Variants in SAP130 observed in about 807,000 individuals in gnomAD.
SAP130 encodes Sin3A associated protein 130.
In SAP130, 16 loss-of-function variants were observed where a neutral mutation model predicts 103.2. That is an observed-to-expected ratio of 0.16 (90% CI 0.10 to 0.24). The LOEUF (loss-of-function observed/expected upper bound fraction) is 0.24, where lower values mean the gene tolerates loss of function less well. Among genes scored for constraint, SAP130 ranks in the 10% least tolerant of loss-of-function variants. SAP130 has a pLI of 1.00. For synonymous variants in SAP130, 477 were observed against 497.0 expected (o/e 0.96, Z 0.53); for missense variants, 990 against 1,359.7 (o/e 0.73, Z 4.28).
At chr2:127,991,614 G>T (rs1682816049) in intron 12 of SAP130, among the ~76,000 whole-genome samples, 1 of 152,056 alleles carries the variant, frequency 6.6e-6, no homozygotes, top group African/African-American at 2.4e-5. Flanking sequence ...TTATAGGCAT[G>T]AGCCACCGCA....
At position 127,948,329 on chromosome 2, in the gene SAP130, T is replaced by G. The variant is rs796750023; in HGVS notation, c.2797+1540A>C. Among the ~76,000 whole-genome samples, 224 of 96,264 alleles carry G rather than the reference T, an allele frequency of 2.3e-3. 2 individuals carry two copies. The highest frequency in any genetic ancestry group is 7.6e-3 in the African/African-American group (208 of 27,524). The allele number at this position is 96,264 out of a possible 152,430, so 63.2% of individuals were successfully genotyped here. Reference sequence around the variant, plus strand: ...TTGTTTCTCTTTTCTTTCCTGTGAGTTTTTTTTTTTTTTTTTTTTTTTGAG... The same window carrying G: ...TTGTTTCTCTTTTCTTTCCTGTGAGGTTTTTTTTTTTTTTTTTTTTTTGAG... On this transcript the variant is annotated intron_variant, in intron 18 of 20. Coordinates refer to ENST00000643581, the MANE Select transcript of SAP130 (RefSeq NM_001330301.2).
At position 127,996,108 on chromosome 2, in the gene SAP130, A is replaced by G. The variant is rs923911704; in HGVS notation, c.1355+242T>C. On this transcript the variant is annotated intron_variant, in intron 11 of 20. Coordinates refer to ENST00000643581, the MANE Select transcript of SAP130 (RefSeq NM_001330301.2). This position sits in a 1 kb window ranked among gnomAD's most constrained non-coding sequence, Gnocchi z 4.3. ...TGCAACCCTTACTCTCAAAATGGCC[A>G]AAAAATGTTAAACACACAAAACCCA... is the stretch of plus-strand genomic sequence containing the variant. Among the ~76,000 whole-genome samples, 5 of 152,186 alleles carry G rather than the reference A, an allele frequency of 3.3e-5. No individual in the cohort carries two copies. Among genetic ancestry groups the G allele is most frequent in the African/African-American group, 1.2e-4 (5 of 41,452 alleles).
chr2:127,985,969 C>T (rs893813039), intron 14 of SAP130, among the ~76,000 whole-genome samples: 1 of 152,140 alleles, frequency 6.6e-6, no homozygotes, highest in Non-Finnish European at 1.5e-5. Context: ...AGCAGAACGA[C>T]GCAGTTTGGC....
chr2:128,006,815 C>T (rs771591103), intron 7 of SAP130, among the ~76,000 whole-genome samples: 1 of 152,130 alleles, frequency 6.6e-6, no homozygotes, highest in Non-Finnish European at 1.5e-5. Context: ...GGATCTGGTG[C>T]TTTTGTGAGA....
chr2:127,951,301 C>A (rs1330723342), intron 16 of SAP130, among the ~76,000 whole-genome samples: 1 of 152,260 alleles, frequency 6.6e-6, no homozygotes, highest in South Asian at 2.1e-4. Flanking sequence ...TAAGGGCTCA[C>A]CTTAACTCTT....
chr2:127,998,893 A>C (rs1683353748), intron 10 of SAP130, among the ~76,000 whole-genome samples: 1 of 152,232 alleles, frequency 6.6e-6, no homozygotes, highest in Non-Finnish European at 1.5e-5. Context: ...CTCTGCCGTG[A>C]TAGCACTCAG....
intron 1 of SAP130, chr2:128,027,385 G>C: frequency 8.8e-7 from 1 of 1,141,616 alleles, no homozygotes; most frequent in Non-Finnish European, 1.1e-6. Context: ...ACAGCGACCT[G>C]CACGTTCAGA....
intron 14 of SAP130, among the ~76,000 whole-genome samples, chr2:127,984,601 T>C (rs1187264512): frequency 1.3e-5 from 2 of 152,174 alleles, no homozygotes; most frequent in African/African-American, 2.4e-5. Flanking sequence ...TTGGGCTGGA[T>C]AGACTCCCCA....
chr2:128,021,443 T>C (rs1368728956), intron 2 of SAP130, among the ~76,000 whole-genome samples: 6 of 136,582 alleles, frequency 4.4e-5, no homozygotes, highest in South Asian at 4.6e-4. Context: ...CAAGACTCCA[T>C]CTCAAAAAAA....
chr2:128,027,224 C>A (rs1685576403), intron 1 of SAP130: 44 of 1,202,620 alleles, frequency 3.7e-5, no homozygotes, highest in Non-Finnish European at 4.4e-5. Context: ...GCGCCCGGGG[C>A]CCGCTGCTGT....
rs139668669 is a variant in SAP130, at chr2:127,967,638, C to T, written c.2063+10347G>A. On this transcript the variant is annotated intron_variant, in intron 15 of 20. Transcript: ENST00000643581. ...GTCTTGAACTCCTGACCTTGTGATCCACCTGCCTTGGCCTCCCAAAGCACT... is the reference window on the plus strand; with the variant it reads ...GTCTTGAACTCCTGACCTTGTGATCTACCTGCCTTGGCCTCCCAAAGCACT... Among the ~76,000 whole-genome samples the T allele has an allele frequency of 6.1e-3, 931 of 152,272 alleles. 21 individuals are homozygous for T. The highest frequency in any genetic ancestry group is 0.019 in the African/African-American group (810 of 41,560).
intron 15 of SAP130, among the ~76,000 whole-genome samples, chr2:127,962,133 C>T (rs1680299559): frequency 6.6e-6 from 1 of 152,312 alleles, no homozygotes; most frequent in Admixed American, 6.5e-5. Flanking sequence ...ACAGTTTGCA[C>T]TCTCACCAAG....
At chr2:127,950,642 A>G (rs1412277351) in intron 16 of SAP130, among the ~76,000 whole-genome samples, 2 of 152,212 alleles carry the variant, frequency 1.3e-5, no homozygotes, top group African/African-American at 2.4e-5. Context: ...CAAGGACACA[A>G]TGATATTCAG....
intron 3 of SAP130, among the ~76,000 whole-genome samples, chr2:128,016,996 T>TG (rs1271119197): frequency 6.6e-6 from 1 of 152,238 alleles, no homozygotes; most frequent in East Asian, 1.9e-4. Context: ...CCACTCCACT[T>TG]GGTCCCATGG....
At chr2:128,027,586 CTT>C (rs905048119) in intron 1 of SAP130, among the ~76,000 whole-genome samples, 2 of 151,578 alleles carry the variant, frequency 1.3e-5, no homozygotes, top group African/African-American at 4.8e-5. Flanking sequence ...TGGAGAGTCA[CTT>C]TAAACTGCTC....
intron 15 of SAP130, among the ~76,000 whole-genome samples, chr2:127,976,228 T>C (rs987036066): frequency 3.3e-5 from 5 of 152,240 alleles, no homozygotes; most frequent in African/African-American, 1.2e-4. Context: ...CTCTTTCCTC[T>C]GCCTGACACA....
At chr2:127,990,938 CAAA>C (rs36073149) in intron 12 of SAP130, among the ~76,000 whole-genome samples, 5 of 119,476 alleles carry the variant, frequency 4.2e-5, no homozygotes, top group Non-Finnish European at 6.7e-5. Flanking sequence ...AAGACTGTCT[CAAA>C]AAAAAAAAAA....
At chr2:128,018,325 A>C (rs573591792) in intron 2 of SAP130, among the ~76,000 whole-genome samples, 27 of 148,940 alleles carry the variant, frequency 1.8e-4, no homozygotes, top group African/African-American at 4.1e-4. Context: ...AAAAAAAAAA[A>C]AAAAAACAAA....
chr2:128,017,949 A>T, intron 2 of SAP130, 34 bp from the exon 3 acceptor site: 2 of 1,534,500 alleles, frequency 1.3e-6, no homozygotes, highest in African/African-American at 1.4e-5. Context: ...ACAGTATGTC[A>T]CAGTCTCCCA....
Sources: allele counts gnomAD v4.1 joint callset (sites outside exome capture counted in the v4.1 genomes callset), GRCh38; gene constraint gnomAD v4.1.1; non-coding constraint Gnocchi (gnomAD v3.1); transcripts MANE v1.5; gene names NCBI Gene and HGNC (gene_info 2026-07-23, HGNC 2026-07-21).